DPP10: variants seen among roughly 807,000 people sequenced by gnomAD.
DPP10 encodes the protein dipeptidyl peptidase like 10.
In DPP10, 33 loss-of-function variants were observed where a neutral mutation model predicts 120.9. The ratio of observed to expected loss-of-function variants is 0.27; its 90% CI spans 0.21 to 0.37. The LOEUF is 0.37. DPP10 is among the 10% of genes least tolerant of loss of function. The probability of loss-of-function intolerance (pLI) is 1.00; values close to 1 mark genes in which losing one functional copy is unlikely to be tolerated. For synonymous variants in DPP10, 337 were observed against 326.1 expected (o/e 1.03, Z -0.36); for missense variants, 816 against 942.8 (o/e 0.87, Z 1.76).
chr2:115,554,392 T>A (rs1300978359), intron 5 of DPP10, among the ~76,000 whole-genome samples: 3 of 151,676 alleles, frequency 2.0e-5, no homozygotes, highest in African/African-American at 7.3e-5. Context: ...CCAGCAGCAA[T>A]GTTATTCCTG....
intron 1 of DPP10, among the ~76,000 whole-genome samples, chr2:115,282,108 G>A (rs1248010339): frequency 2.0e-5 from 3 of 151,940 alleles, no homozygotes; most frequent in East Asian, 1.9e-4. Context: ...GTAGAAACAA[G>A]CAATCAACTG....
At chr2:115,423,635 A>G (rs1281429292) in intron 3 of DPP10, among the ~76,000 whole-genome samples, 2 of 152,062 alleles carry the variant, frequency 1.3e-5, no homozygotes, top group Non-Finnish European at 2.9e-5. Flanking sequence ...AGTTAAGAAA[A>G]TTTTTACTTA....
At chr2:114,737,965 G>A (rs539516961) in intron 1 of DPP10, among the ~76,000 whole-genome samples, 1 of 152,330 alleles carries the variant, frequency 6.6e-6, no homozygotes, top group African/African-American at 2.4e-5. Context: ...TCACGGTTCT[G>A]CAGGTTGTAG....
intron 4 of DPP10, among the ~76,000 whole-genome samples, chr2:115,522,223 C>T (rs13429901): frequency 0.21 from 31,266 of 152,028 alleles, 4,441 homozygotes; most frequent in African/African-American, 0.39. Flanking sequence ...GATTACTCCG[C>T]CTCTCTGTGA....
intron 5 of DPP10, among the ~76,000 whole-genome samples, chr2:115,617,289 T>TATGTATATAC: frequency 7.3e-6 from 1 of 136,530 alleles, no homozygotes; most frequent in East Asian, 2.2e-4. Flanking sequence ...TATATATATA[T>TATGTATATAC]ACACACATAG....
intron 1 of DPP10, among the ~76,000 whole-genome samples, chr2:114,971,593 T>C (rs1304221668): frequency 6.6e-6 from 1 of 152,142 alleles, no homozygotes; most frequent in Admixed American, 6.5e-5. Flanking sequence ...ATAAACAAAA[T>C]TATACTTTTT....
chr2:114,471,563 A>G (rs1002045430), intron 1 of DPP10, among the ~76,000 whole-genome samples: 3 of 152,234 alleles, frequency 2.0e-5, no homozygotes, highest in Admixed American at 1.3e-4. Context: ...GATAAATTCT[A>G]TAATCATTTC....
intron 1 of DPP10, among the ~76,000 whole-genome samples, chr2:115,023,781 A>G (rs1376382498): frequency 6.6e-6 from 1 of 152,180 alleles, no homozygotes; most frequent in Non-Finnish European, 1.5e-5. Flanking sequence ...TAGATAAAGA[A>G]AATGTGGTAC....
At chr2:115,818,925 A>G (rs1268074716) in intron 21 of DPP10, among the ~76,000 whole-genome samples, 1 of 152,182 alleles carries the variant, frequency 6.6e-6, no homozygotes, top group Non-Finnish European at 1.5e-5. Context: ...AAAATATTCC[A>G]GGTCAAACAA....
intron 1 of DPP10, among the ~76,000 whole-genome samples, chr2:114,564,425 G>C (rs970583186): frequency 6.6e-6 from 1 of 152,122 alleles, no homozygotes; most frequent in Non-Finnish European, 1.5e-5. Flanking sequence ...TCAAGACCAT[G>C]GTTGTCTGAT....
At chr2:114,767,103 G>GAAAAAAAA (rs35500978) in intron 1 of DPP10, among the ~76,000 whole-genome samples, 1 of 48,056 alleles carries the variant, frequency 2.1e-5, no homozygotes, top group South Asian at 7.8e-4. Flanking sequence ...ATCAAAACTA[G>GAAAAAAAA]AAAAAAAAAA....
chr2:114,826,728 C>T (rs1027884237), intron 1 of DPP10, among the ~76,000 whole-genome samples: 6 of 152,124 alleles, frequency 3.9e-5, no homozygotes, highest in South Asian at 4.1e-4. Flanking sequence ...ATGGGGTTCA[C>T]CATATTGGCC....
At chr2:115,457,754 T>C (rs575533305) in intron 3 of DPP10, among the ~76,000 whole-genome samples, 3 of 152,222 alleles carry the variant, frequency 2.0e-5, no homozygotes, top group South Asian at 2.1e-4. Flanking sequence ...AACGTGACAG[T>C]TTCCTAAAAA....
chr2:115,645,096 A>G (rs1222261482), intron 5 of DPP10, among the ~76,000 whole-genome samples: 3 of 152,142 alleles, frequency 2.0e-5, no homozygotes, highest in Non-Finnish European at 2.9e-5. Flanking sequence ...TAATGATACC[A>G]TGAAAAGTAT....
At chr2:114,961,945 C>T (rs1698671662) in intron 1 of DPP10, among the ~76,000 whole-genome samples, 3 of 152,052 alleles carry the variant, frequency 2.0e-5, no homozygotes, top group Admixed American at 1.3e-4. Flanking sequence ...CAGAGTTAGA[C>T]TCCATCTCAA....
chr2:114,685,072 A>G (rs2105734126), intron 1 of DPP10, among the ~76,000 whole-genome samples: 1 of 152,124 alleles, frequency 6.6e-6, no homozygotes, highest in Middle Eastern at 3.4e-3. Flanking sequence ...TCTGATGAAG[A>G]CCATTATCCC....
chr2:114,880,577 T>C (rs1691519358), intron 1 of DPP10, among the ~76,000 whole-genome samples: 1 of 152,024 alleles, frequency 6.6e-6, no homozygotes. Flanking sequence ...GGGGAAAAAA[T>C]CCTGCAACAT....
intron 12 of DPP10, among the ~76,000 whole-genome samples, chr2:115,763,070 A>G (rs1680303104): frequency 1.3e-5 from 2 of 152,326 alleles, no homozygotes; most frequent in South Asian, 2.1e-4. Context: ...CAAGATGAAC[A>G]TGACGGACTA....
At chr2:115,757,660 A>C (rs1679595629) in intron 11 of DPP10, among the ~76,000 whole-genome samples, 1 of 152,106 alleles carries the variant, frequency 6.6e-6, no homozygotes, top group South Asian at 2.1e-4. Context: ...AAATATGAGA[A>C]AGTCCTTAAA....
Sources: allele counts gnomAD v4.1 joint callset (sites outside exome capture counted in the v4.1 genomes callset), GRCh38; gene constraint gnomAD v4.1.1; transcripts MANE v1.5; gene names NCBI Gene and HGNC (gene_info 2026-07-23, HGNC 2026-07-21).